Variants in AQR observed in about 807,000 individuals in gnomAD.
The protein encoded by AQR is RNA helicase aquarius.
In AQR, 61 loss-of-function variants were observed where a neutral mutation model predicts 180.5. That is an observed-to-expected ratio of 0.34 (90% confidence interval 0.28 to 0.42). AQR has a LOEUF of 0.42. Among genes scored for constraint, AQR ranks in the 10% least tolerant of loss-of-function variants. The probability of loss-of-function intolerance (pLI) is 1.00; values close to 1 mark genes in which losing one functional copy is unlikely to be tolerated. For synonymous variants in AQR, 551 were observed against 588.8 expected (o/e 0.94, Z 0.93); for missense variants, 1,281 against 1,798.3 (o/e 0.71, Z 5.20).
intron 5 of AQR, among the ~76,000 whole-genome samples, chr15:34,946,269 T>A (rs1431118096): frequency 1.3e-5 from 2 of 152,154 alleles, no homozygotes; most frequent in African/African-American, 4.8e-5. Context: ...CTAAATTCAG[T>A]CTCAAAACAA....
rs1254357230 is a variant in AQR, at chr15:34,932,372, G to C, written c.846C>G (p.His282Gln). The C allele has an allele frequency of 6.2e-7, 1 of 1,613,674 alleles. No individual in the cohort carries two copies. Among genetic ancestry groups the C allele is most frequent in the Non-Finnish European group, 8.5e-7 (1 of 1,179,862 alleles). The change falls in exon 11 of 35, where the codon CAC (histidine) becomes CAG (glutamine). Residue 282 changes from histidine (H) to glutamine (Q), a missense_variant. His to Gln is a conservative substitution (Grantham distance 24, BLOSUM62 0). This residue lies in a region of AQR where 404 missense variants were observed against 490.9 expected (regional missense o/e 0.82). Transcript: ENST00000156471. ...TACGAACAAGATTGGAAAGGTAACA[G>C]TGAACCAGAAGGTGGGAATCATCCA... ...TILDDSHLLVHCYLSNLVRRE... is the reference protein window; with the variant it reads ...TILDDSHLLVQCYLSNLVRRE...
At chr15:34,894,988 A>T (rs982399700) in intron 22 of AQR, among the ~76,000 whole-genome samples, 6 of 150,662 alleles carry the variant, frequency 4.0e-5, no homozygotes, top group Non-Finnish European at 7.4e-5. Context: ...AACACAGTGA[A>T]ACCCAATTCT....
intron 3 of AQR, among the ~76,000 whole-genome samples, chr15:34,955,771 T>A (rs553351347): frequency 2.6e-4 from 40 of 152,114 alleles, no homozygotes; most frequent in African/African-American, 9.6e-4. Flanking sequence ...TAGCTAGGCG[T>A]GGTGGCGGGC....
intron 4 of AQR, among the ~76,000 whole-genome samples, chr15:34,949,605 CAAAAAAAAA>C (rs538711417): frequency 4.0e-5 from 2 of 49,680 alleles, no homozygotes; most frequent in Non-Finnish European, 7.2e-5. Flanking sequence ...GACTCCGTCA[CAAAAAAAAA>C]AAAAAAAAAA....
chr15:34,869,663 T>A (rs1174932399), intron 31 of AQR: 2 of 152,176 alleles, frequency 1.3e-5, no homozygotes, highest in African/African-American at 4.8e-5. Flanking sequence ...ATTATTAGTT[T>A]CTCAGTTTCA....
intron 27 of AQR, among the ~76,000 whole-genome samples, chr15:34,880,668 G>C (rs780274499): frequency 1.3e-5 from 2 of 152,150 alleles, no homozygotes; most frequent in Non-Finnish European, 2.9e-5. Flanking sequence ...ACCCCAAAGT[G>C]AGCAAACCAA....
At chr15:34,870,338 A>AT (rs2140461325) in intron 31 of AQR, 1 of 152,514 alleles carries the variant, frequency 6.6e-6, no homozygotes, top group Non-Finnish European at 1.5e-5. Flanking sequence ...TTACATAAAA[A>AT]ATATATATAT....
At chr15:34,893,286 C>G (rs1000588950) in intron 23 of AQR, among the ~76,000 whole-genome samples, 1 of 152,014 alleles carries the variant, frequency 6.6e-6, no homozygotes, top group Non-Finnish European at 1.5e-5. Flanking sequence ...GGAGTAAGAC[C>G]GCACAATATA....
At chr15:34,890,937 T>G (rs1165260868) in intron 23 of AQR, among the ~76,000 whole-genome samples, 1 of 152,168 alleles carries the variant, frequency 6.6e-6, no homozygotes, top group East Asian at 1.9e-4. Context: ...TTATCTGAAC[T>G]TCCGCAGTTA....
intron 12 of AQR, 104 bp downstream of exon 12, chr15:34,930,154 A>T (rs1417037807): frequency 1.7e-6 from 1 of 589,380 alleles, no homozygotes; most frequent in Non-Finnish European, 2.9e-6. Context: ...ATATAAAAAC[A>T]CTATTAAATT....
At chr15:34,892,054 T>C (rs1002332673) in intron 23 of AQR, among the ~76,000 whole-genome samples, 2 of 152,184 alleles carry the variant, frequency 1.3e-5, no homozygotes. Flanking sequence ...CTTCTGTATA[T>C]ACCAACTCAA....
At chr15:34,893,600 C>CGTGTGTGT (rs2140472647) in intron 23 of AQR, 63 bp downstream of exon 23, 2 of 1,338,710 alleles carry the variant, frequency 1.5e-6, no homozygotes, top group South Asian at 1.2e-5. Context: ...TGTGCATGCG[C>CGTGTGTGT]ATGCGTGCAC....
intron 10 of AQR, among the ~76,000 whole-genome samples, 182 bp downstream of exon 10, chr15:34,934,385 TAATG>T (rs1893914268): frequency 6.7e-6 from 1 of 148,598 alleles, no homozygotes; most frequent in East Asian, 1.9e-4. Context: ...ATATTTTAAT[TAATG>T]AGAGAAAGGA....
At position 34,898,976 on chromosome 15, in the gene AQR, G is replaced by A. The variant is rs181626107; in HGVS notation, c.2244-1271C>T. ...AGGTCAGCAGATCGAGACCATCCTG[G>A]CTAACACGGTGAAACCCTGTCTCTA... On this transcript the variant is annotated intron_variant, in intron 20 of 34. Transcript: ENST00000156471. Among the ~76,000 whole-genome samples, 87 of 149,978 alleles carry A rather than the reference G, an allele frequency of 5.8e-4. No individual in the cohort carries two copies. The Middle Eastern group carries it at 0.01, about 18-fold the overall frequency.
intron 14 of AQR, among the ~76,000 whole-genome samples, chr15:34,919,174 A>G (rs1211594892): frequency 2.6e-5 from 4 of 151,450 alleles, no homozygotes; most frequent in African/African-American, 9.7e-5. Flanking sequence ...GGGAGGCGGA[A>G]GTTGCAGTGA....
rs1429734254 is a variant in AQR, at chr15:34,874,812, T to G, written c.3290A>C (p.His1097Pro). 6.2e-7 allele frequency: 1 copy of G among 1,613,916 alleles called. No homozygotes were observed. The highest frequency in any genetic ancestry group is 1.1e-5 in the South Asian group (1 of 91,076). ...RLKRWIMIGD[H>P]HQLPPVIKNM... ...CTTAATAACTGGAGGTAACTGGTGATGATCGCCAATCATAATCCATCGTTT... is the reference window on the plus strand; with the variant it reads ...CTTAATAACTGGAGGTAACTGGTGAGGATCGCCAATCATAATCCATCGTTT... Residue 1097 changes from histidine (H) to proline (P), a missense_variant, in exon 29 of 35, where the codon CAT becomes CCT. His to Pro is a moderately conservative substitution (Grantham distance 77). Coordinates refer to ENST00000156471, the MANE Select transcript of AQR (RefSeq NM_014691.3).
At chr15:34,896,824 G>T in intron 22 of AQR, 73 bp downstream of exon 22, 1 of 1,356,522 alleles carries the variant, frequency 7.4e-7, no homozygotes, top group Admixed American at 1.7e-5. Flanking sequence ...ACTCCGGCAT[G>T]GGCAACAAAA....
intron 20 of AQR, among the ~76,000 whole-genome samples, chr15:34,899,894 T>C (rs1376656799): frequency 2.0e-5 from 3 of 152,072 alleles, no homozygotes; most frequent in African/African-American, 4.8e-5. Context: ...GACTATTGTA[T>C]TTATTTTATT....
chr15:34,857,342 T>C (rs1378254725), intron 34 of AQR, among the ~76,000 whole-genome samples: 1 of 152,190 alleles, frequency 6.6e-6, no homozygotes. Flanking sequence ...AAAACAACCA[T>C]GAAAAGCTAT....
Sources: allele counts gnomAD v4.1 joint callset (sites outside exome capture counted in the v4.1 genomes callset), GRCh38; gene constraint gnomAD v4.1.1; regional missense constraint gnomAD v4.1.1; transcripts MANE v1.5; gene names NCBI Gene and HGNC (gene_info 2026-07-23, HGNC 2026-07-21).